The following CD96 variants were observed in gnomAD, a reference collection of about 807,000 sequenced individuals.
CD96 encodes the protein T-cell surface protein tactile.
In CD96, 70 loss-of-function variants were observed where a neutral mutation model predicts 71.3. The observed-to-expected ratio is 0.98, with a 90% CI of 0.81 to 1.20. CD96 has a LOEUF of 1.20. Ranked by LOEUF, CD96 falls within the 50% of genes most tolerant of loss-of-function variation. The pLI, the probability that CD96 is intolerant of heterozygous loss-of-function variation, is 0.00. For synonymous variants in CD96, 248 were observed against 233.0 expected (o/e 1.06, Z -0.59); for missense variants, 742 against 677.5 (o/e 1.10, Z -1.06).
chr3:111,555,353 C>T (rs1253188533), intron 2 of CD96, among the ~76,000 whole-genome samples: 1 of 152,258 alleles, frequency 6.6e-6, no homozygotes, highest in Non-Finnish European at 1.5e-5. Flanking sequence ...ATTGGAGTTA[C>T]TGTTTGTTGT....
intron 12 of CD96, among the ~76,000 whole-genome samples, chr3:111,643,083 A>C (rs1376264306): frequency 2.0e-5 from 3 of 151,552 alleles, no homozygotes; most frequent in Admixed American, 6.6e-5. Context: ...AAAAAAAAAA[A>C]AAAAAAACTA....
intron 14 of CD96, among the ~76,000 whole-genome samples, chr3:111,659,563 C>T (rs1940308285): frequency 6.6e-6 from 1 of 152,164 alleles, no homozygotes; most frequent in Non-Finnish European, 1.5e-5. Flanking sequence ...AACCTATTTT[C>T]ATTAGTTGCA....
chr3:111,593,399 G>T, intron 5 of CD96: 1 of 1,024,674 alleles, frequency 9.8e-7, no homozygotes, highest in Non-Finnish European at 1.3e-6. Flanking sequence ...ATTCAGACCT[G>T]CTCAGATTAA....
In CD96 at chr3:111,542,325, G is replaced by T. The variant is rs755015513; in HGVS notation, c.61+16G>T. On this transcript the variant is annotated intron_variant, in intron 1 of 13. Transcript: ENST00000352690. ...TTTGTCAAGGGTAAGACTTCCAGTT[G>T]TCCCTTCTTGTCGGATGGGCCGCTT... 10 of 1,606,504 alleles carry T rather than the reference G, an allele frequency of 6.2e-6. No homozygotes were observed. Among genetic ancestry groups the T allele is most frequent in the South Asian group, 1.1e-5 (1 of 90,918 alleles).
intron 8 of CD96, among the ~76,000 whole-genome samples, chr3:111,608,243 T>G (rs1937724774): frequency 6.7e-6 from 1 of 148,276 alleles, no homozygotes; most frequent in Non-Finnish European, 1.5e-5. Flanking sequence ...GTTGGCTTCC[T>G]CTGGACCAAG....
chr3:111,649,632 CTGTG>C, intron 13 of CD96, 62 bp from the exon 14 acceptor site: 2 of 907,030 alleles, frequency 2.2e-6, no homozygotes, highest in Non-Finnish European at 1.9e-6. Context: ...CAACACATGT[CTGTG>C]TGTGTGTGTG....
At chr3:111,550,225 T>A (rs982325591) in intron 2 of CD96, among the ~76,000 whole-genome samples, 15 of 152,178 alleles carry the variant, frequency 9.9e-5, no homozygotes, top group Non-Finnish European at 2.1e-4. Context: ...AAGTTTTTTT[T>A]ATCACCTAAC....
rs1367578856 is a variant in CD96, at chr3:111,631,492, AG to A, written c.1322-5703del. On this transcript the variant is annotated intron_variant, in intron 10 of 13. Transcript: ENST00000352690. The stretch of plus-strand genomic sequence containing the variant: ...ACAAGCCACTGCTCAAAGAAATCAG[AG>A]ATGACACAAATGCAAAAACATTCCA... 3.9e-5 allele frequency among the ~76,000 whole-genome samples: 6 copies of A among 152,296 alleles called. 1 individual carries two copies. In the South Asian group the frequency reaches 6.2e-4, roughly 16 times the overall value.
intron 5 of CD96, among the ~76,000 whole-genome samples, chr3:111,592,715 C>A (rs745928489): frequency 6.6e-6 from 1 of 152,096 alleles, no homozygotes; most frequent in Admixed American, 6.5e-5. Flanking sequence ...TCACTAACTC[C>A]TTTTCCTTTG....
At chr3:111,655,184 A>G (rs1322610467), downstream of CD96, among the ~76,000 whole-genome samples, 2 of 152,208 alleles carry the variant, frequency 1.3e-5, no homozygotes, top group Non-Finnish European at 1.5e-5. Flanking sequence ...TGCTTTGGTG[A>G]CTAACGAATC....
At chr3:111,570,894 C>T (rs772238047) in intron 3 of CD96, 334 of 1,601,754 alleles carry the variant, frequency 2.1e-4, no homozygotes, top group Admixed American at 3.5e-4. Context: ...CTCATGGTAT[C>T]GAGGCATTTC....
intron 2 of CD96, among the ~76,000 whole-genome samples, chr3:111,565,644 C>T (rs1054618323): frequency 1.4e-4 from 21 of 151,792 alleles, no homozygotes; most frequent in Non-Finnish European, 2.9e-4. Flanking sequence ...AGAAACAACT[C>T]CATTTGGAAG....
chr3:111,612,005 G>A (rs1397447208), intron 8 of CD96, among the ~76,000 whole-genome samples: 3 of 152,212 alleles, frequency 2.0e-5, no homozygotes, highest in East Asian at 1.9e-4. Context: ...GTGTTTAGAT[G>A]TAGTTGAAGG....
At chr3:111,653,812 AT>A (rs754375794), downstream of CD96, among the ~76,000 whole-genome samples, 333 of 148,214 alleles carry the variant, frequency 2.2e-3, 1 homozygote, top group East Asian at 5.7e-3. Flanking sequence ...AGAAGCGATA[AT>A]TTTTTTTTTT....
At chr3:111,567,199 A>G (rs1246489717) in intron 2 of CD96, among the ~76,000 whole-genome samples, 1 of 152,204 alleles carries the variant, frequency 6.6e-6, no homozygotes, top group Admixed American at 6.5e-5. Flanking sequence ...GAAGTTTTGT[A>G]TTCTATCTGA....
chr3:111,546,026 A>T (rs1011628850), intron 2 of CD96, among the ~76,000 whole-genome samples: 1 of 152,110 alleles, frequency 6.6e-6, no homozygotes, highest in African/African-American at 2.4e-5. Context: ...ACTGACTTTC[A>T]TGTGAAAATG....
chr3:111,607,694 A>C (rs1430538476), intron 8 of CD96, among the ~76,000 whole-genome samples: 2 of 152,244 alleles, frequency 1.3e-5, no homozygotes, highest in Non-Finnish European at 2.9e-5. Flanking sequence ...AACCTTTGGC[A>C]TGTAGCCTGC....
intron 8 of CD96, among the ~76,000 whole-genome samples, chr3:111,619,567 A>G (rs1938416317): frequency 6.6e-6 from 1 of 152,230 alleles, no homozygotes; most frequent in South Asian, 2.1e-4. Context: ...TTGCCTACAT[A>G]GTATCTCATG....
intron 10 of CD96, among the ~76,000 whole-genome samples, chr3:111,626,936 A>G (rs1938798513): frequency 6.6e-6 from 1 of 152,244 alleles, no homozygotes. Flanking sequence ...ATAAGTGAAT[A>G]ATAATTATAA....
Sources: gnomAD v4.1 joint callset for allele counts (sites outside exome capture counted in the v4.1 genomes callset) on GRCh38, gnomAD v4.1.1 for gene constraint, MANE v1.5 for transcripts, NCBI Gene and HGNC (gene_info 2026-07-23, HGNC 2026-07-21) for gene names.